The following LYRM2 variants were observed in gnomAD, a reference collection of about 807,000 sequenced individuals.
LYRM2 encodes LYR motif containing 2.
LYRM2 carries 8 observed loss-of-function variants against 11.6 expected under a neutral mutation model. The ratio of observed to expected loss-of-function variants is 0.69; its 90% CI spans 0.40 to 1.24. The LOEUF (loss-of-function observed/expected upper bound fraction) is 1.24. LYRM2 is among the 50% of genes most tolerant of loss of function. LYRM2 has a pLI of 0.01. For synonymous variants in LYRM2, 30 were observed against 36.4 expected (o/e 0.83, Z 0.63); for missense variants, 117 against 102.9 (o/e 1.14, Z -0.59).
chr6:89,635,220 A>G lies in LYRM2; in HGVS notation c.*2053T>C, dbSNP rs1807964512. 1 of 152,228 alleles carries G rather than the reference A, an allele frequency of 6.6e-6. No homozygotes were observed. The highest frequency in any genetic ancestry group is 2.4e-5 in the African/African-American group (1 of 41,462). The allele number at this position is 152,228 out of a possible 1,614,324, so 9.4% of individuals were successfully genotyped here. On this transcript the variant is annotated 3_prime_UTR_variant, in exon 3 of 3. Coordinates refer to ENST00000523377, the MANE Select transcript of LYRM2 (RefSeq NM_020466.5). ...CTACACCCATAAAAGGATGATTTTG[A>G]GTTTCAAGATTTTAGATTTACTAGA...
In LYRM2 at chr6:89,632,538, T is replaced by A. The variant is rs1807611364; in HGVS notation, c.*4735A>T. 2 of 152,166 alleles carry A rather than the reference T, an allele frequency of 1.3e-5. No individual in the cohort carries two copies. The highest frequency in any genetic ancestry group is 4.8e-5 in the African/African-American group (2 of 41,412). The allele number at this position is 152,166 out of a possible 1,614,324, so 9.4% of individuals were successfully genotyped here. ...GGCTCGTGATCCTCCTGCCTCAACC[T>A]CGCAAGTAGCTTGGGACTACAGGCG... On this transcript the variant is annotated 3_prime_UTR_variant, in exon 3 of 3. Transcript: ENST00000523377.
At chr6:89,638,516 C>A in intron 1 of LYRM2, 156 bp downstream of exon 1, 2 of 1,541,606 alleles carry the variant, frequency 1.3e-6, no homozygotes, top group Non-Finnish European at 8.8e-7. Flanking sequence ...TCAGGCCCCG[C>A]GGAGCGAAGC....
rs1807991779 is a variant in LYRM2, at chr6:89,635,916, A to C, written c.*1357T>G. The C allele has an allele frequency of 6.5e-6, 1 of 154,820 alleles. No homozygotes were observed. Among genetic ancestry groups the C allele is most frequent in the South Asian group, 2.0e-4 (1 of 5,036 alleles). 9.6% of individuals were successfully genotyped at this position (154,820 alleles called of 1,614,324 possible). A position where few individuals can be genotyped will look rare whatever the true frequency, so the allele number is the denominator to read the frequency against. ...AGAAGTCTTCCCTCTTCTTTCTGGT[A>C]AGTGCTTCAATGTGCTCATTAAGCT... On this transcript the variant is annotated 3_prime_UTR_variant, in exon 3 of 3. Coordinates refer to ENST00000523377, the MANE Select transcript of LYRM2 (RefSeq NM_020466.5).
Position 89,637,896 on chromosome 6 carries a change from G to A in LYRM2, c.46-14C>T. The A allele has an allele frequency of 6.2e-7, 1 of 1,610,532 alleles. No homozygotes were observed. The highest frequency in any genetic ancestry group is 1.7e-5 in the Admixed American group (1 of 59,784). On this transcript the variant is annotated splice_polypyrimidine_tract_variant and intron_variant, in intron 1 of 2. Transcript: ENST00000523377. Reference sequence around the variant, plus strand: ...CCTTCTTACGAACTGTAAAAGGGAGGAGTAAATAGCAATTACTACTGCACA... The same window carrying A: ...CCTTCTTACGAACTGTAAAAGGGAGAAGTAAATAGCAATTACTACTGCACA...
chr6:89,635,892 G>A lies in LYRM2; in HGVS notation c.*1381C>T, dbSNP rs1406194653. On this transcript the variant is annotated 3_prime_UTR_variant, in exon 3 of 3. Coordinates refer to ENST00000523377, the MANE Select transcript of LYRM2 (RefSeq NM_020466.5). ...AAGGTACTCACAGAGGTTTCATCCA[G>A]AAGTCTTCCCTCTTCTTTCTGGTAA... The A allele has an allele frequency of 6.5e-6, 1 of 153,288 alleles. No homozygotes were observed. The highest frequency in any genetic ancestry group is 1.5e-5 in the Non-Finnish European group (1 of 68,194). 9.5% of individuals were successfully genotyped at this position (153,288 alleles called of 1,614,324 possible).
rs928513720 is a variant in LYRM2, at chr6:89,633,846, C to G, written c.*3427G>C. The G allele has an allele frequency of 6.6e-6, 1 of 152,178 alleles. No individual in the cohort carries two copies. The highest frequency in any genetic ancestry group is 2.4e-5 in the African/African-American group (1 of 41,452). The allele number at this position is 152,178 out of a possible 1,614,324, so 9.4% of individuals were successfully genotyped here. A position where few individuals can be genotyped will look rare whatever the true frequency, so the allele number is the denominator to read the frequency against. ...ATGCAAGTGTGAATACTTTGTTTAG[C>G]TTACATTTTAATTTATTGTGGTTGA... On this transcript the variant is annotated 3_prime_UTR_variant, in exon 3 of 3. Transcript: ENST00000523377.
chr6:89,633,590 A>G lies in LYRM2; in HGVS notation c.*3683T>C, dbSNP rs1257384854. The G allele has an allele frequency of 5.3e-5, 8 of 152,222 alleles. No homozygotes were observed. 9.4% of individuals were successfully genotyped at this position (152,222 alleles called of 1,614,324 possible). A position where few individuals can be genotyped will look rare whatever the true frequency, so the allele number is the denominator to read the frequency against. ...GTTTTTTTAAAGAAATTGTTAGTGCATTATTGAGTATACTAAATATCTGTG... is the reference window on the plus strand; with the variant it reads ...GTTTTTTTAAAGAAATTGTTAGTGCGTTATTGAGTATACTAAATATCTGTG... On this transcript the variant is annotated 3_prime_UTR_variant, in exon 3 of 3. Transcript: ENST00000523377.
In LYRM2 at chr6:89,632,444, G is replaced by C. The variant is rs1807593764; in HGVS notation, c.*4829C>G. 1 of 152,000 alleles carries C rather than the reference G, an allele frequency of 6.6e-6. No individual in the cohort carries two copies. The highest frequency in any genetic ancestry group is 2.4e-5 in the African/African-American group (1 of 41,348). The allele number at this position is 152,000 out of a possible 1,614,324, so 9.4% of individuals were successfully genotyped here. ...GATGTTTTTTATTTTGTTGAGACAG[G>C]GTCTTGCTCTGTCACCCAGACTGGA... On this transcript the variant is annotated 3_prime_UTR_variant, in exon 3 of 3. Transcript: ENST00000523377.
At position 89,632,728 on chromosome 6, in the gene LYRM2, AAT is replaced by A. The variant is rs1261349829; in HGVS notation, c.*4543_*4544del. The A allele has an allele frequency of 6.6e-6, 1 of 152,192 alleles. No homozygotes were observed. The highest frequency in any genetic ancestry group is 1.5e-5 in the Non-Finnish European group (1 of 68,040). 9.4% of individuals were successfully genotyped at this position (152,192 alleles called of 1,614,324 possible). Reference sequence around the variant, plus strand: ...TTCCCCCAGAGACTCATTAGATTGCAATATAGAGGCACTTTCTCATTTCCCTA... The same window carrying A: ...TTCCCCCAGAGACTCATTAGATTGCAATAGAGGCACTTTCTCATTTCCCTA... On this transcript the variant is annotated 3_prime_UTR_variant, in exon 3 of 3. Transcript: ENST00000523377.
chr6:89,632,832 AC>A lies in LYRM2; in HGVS notation c.*4440del, dbSNP rs956151560. On this transcript the variant is annotated 3_prime_UTR_variant, in exon 3 of 3. Transcript: ENST00000523377. ...TCTATTCTCAAACAGGATATCACTA[AC>A]CTCTTTAGAATCATTCCTCAGTATA... 3 of 152,154 alleles carry A rather than the reference AC, an allele frequency of 2.0e-5. No homozygotes were observed. The highest frequency in any genetic ancestry group is 2.0e-4 in the Admixed American group (3 of 15,270). The allele number at this position is 152,154 out of a possible 1,614,324, so 9.4% of individuals were successfully genotyped here. A position where few individuals can be genotyped will look rare whatever the true frequency, so the allele number is the denominator to read the frequency against.
rs1263886949 is a variant in LYRM2 at position 89,634,154 on chromosome 6, T to C, written c.*3119A>G. 6.6e-6 allele frequency: 1 copy of C among 152,264 alleles called. No individual in the cohort carries two copies. The highest frequency in any genetic ancestry group is 1.5e-5 in the Non-Finnish European group (1 of 68,050). The allele number at this position is 152,264 out of a possible 1,614,324, so 9.4% of individuals were successfully genotyped here. A position where few individuals can be genotyped will look rare whatever the true frequency, so the allele number is the denominator to read the frequency against. On this transcript the variant is annotated 3_prime_UTR_variant, in exon 3 of 3. Transcript: ENST00000523377. ...GCAACATTATACTTTTTGACTAAGTTATTAAAAGTTAAATGCATTTCTTCT... is the reference window on the plus strand; with the variant it reads ...GCAACATTATACTTTTTGACTAAGTCATTAAAAGTTAAATGCATTTCTTCT...
Position 89,637,874 on chromosome 6 carries a change from T to A in LYRM2, c.54A>T (p.Arg18Ser). Residue 18 changes from arginine (R) to serine (S), a missense_variant, in exon 2 of 3, where the codon AGA becomes AGT. By Grantham distance (110) the Arg-to-Ser change is moderately radical. Transcript: ENST00000523377. ...TGTAGAGGAGAAGAACTTGTTGCCT[T>A]CTTACGAACTGTAAAAGGGAGGAGT... is the stretch of plus-strand genomic sequence containing the variant. Reference protein sequence around the residue: ...PATLTLKQFVRRQQVLLLYRR... With the variant: ...PATLTLKQFVSRQQVLLLYRR... The A allele has an allele frequency of 1.2e-6, 2 of 1,613,596 alleles. No individual in the cohort carries two copies. Among genetic ancestry groups the A allele is most frequent in the Non-Finnish European group, 1.7e-6 (2 of 1,179,684 alleles).
At chr6:89,638,472 C>T in intron 1 of LYRM2, 200 bp downstream of exon 1, 1 of 1,489,242 alleles carries the variant, frequency 6.7e-7, no homozygotes, top group East Asian at 2.4e-5. Flanking sequence ...CTCACGCGAT[C>T]GCACCAAACC....
intron 1 of LYRM2, 192 bp downstream of exon 1, chr6:89,638,480 A>T: frequency 6.6e-7 from 1 of 1,505,548 alleles, no homozygotes; most frequent in South Asian, 1.3e-5. Context: ...ATCGCACCAA[A>T]CCAAGGAAGC....
intron 2 of LYRM2, 129 bp from the exon 3 acceptor site, chr6:89,637,482 G>A: frequency 1.5e-6 from 1 of 671,196 alleles, no homozygotes; most frequent in East Asian, 2.8e-5. Flanking sequence ...AAAGCTAAAA[G>A]AGTTCCACAT....
At chr6:89,637,547 G>A (rs1199899644) in intron 2 of LYRM2, among the ~76,000 whole-genome samples, 194 bp from the exon 3 acceptor site, 1 of 152,020 alleles carries the variant, frequency 6.6e-6, no homozygotes, top group Non-Finnish European at 1.5e-5. Context: ...GAAGAGTGTA[G>A]ATACTCTTTT....
At position 89,637,759 on chromosome 6, in the gene LYRM2, T is replaced by C. The variant is rs534210657; in HGVS notation, c.169A>G (p.Lys57Glu). ...DWAREEFRRN[K>E]SATEEDTIRM... Reference sequence around the variant, plus strand: ...GTTCTCACCTCTTCGGTGGCACTTTTGTTTCTTCTGAATTCTTCTCTTGCC... The same window carrying C: ...GTTCTCACCTCTTCGGTGGCACTTTCGTTTCTTCTGAATTCTTCTCTTGCC... Residue 57 changes from lysine to glutamate, a missense_variant, in exon 2 of 3, where the codon AAA (lysine) becomes GAA (glutamate). Coordinates refer to ENST00000523377, the MANE Select transcript of LYRM2 (RefSeq NM_020466.5). The C allele has an allele frequency of 1.9e-6, 3 of 1,614,092 alleles. No individual in the cohort carries two copies. Among genetic ancestry groups the C allele is most frequent in the South Asian group, 1.1e-5 (1 of 91,076 alleles).
At position 89,635,687 on chromosome 6, in the gene LYRM2, A is replaced by T. The variant is rs1216789135; in HGVS notation, c.*1586T>A. ...ATGGATGATTCCAACATCTTCCACA[A>T]GCTTTCACTTTCACTAAATTATTTT... is the stretch of plus-strand genomic sequence containing the variant. On this transcript the variant is annotated 3_prime_UTR_variant, in exon 3 of 3. Transcript: ENST00000523377. 5 of 152,270 alleles carry T rather than the reference A, an allele frequency of 3.3e-5. No individual in the cohort carries two copies. Among genetic ancestry groups the T allele is most frequent in the Admixed American group, 6.5e-5 (1 of 15,292 alleles). 9.4% of individuals were successfully genotyped at this position (152,270 alleles called of 1,614,324 possible).
Position 89,636,703 on chromosome 6 carries a change from A to T in LYRM2, c.*570T>A. 1 of 139,364 alleles carries T rather than the reference A, an allele frequency of 7.2e-6. No homozygotes were observed. The allele number at this position is 139,364 out of a possible 1,614,324, so 8.6% of individuals were successfully genotyped here. A position where few individuals can be genotyped will look rare whatever the true frequency, so the allele number is the denominator to read the frequency against. ...TTGTTTTTTTTTTTTTTTTTTAGAG[A>T]CTGTCTCACTCTGTCACCCAGGCTG... On this transcript the variant is annotated 3_prime_UTR_variant, in exon 3 of 3. Coordinates refer to ENST00000523377, the MANE Select transcript of LYRM2 (RefSeq NM_020466.5).
Sources: gnomAD v4.1 joint callset for allele counts (sites outside exome capture counted in the v4.1 genomes callset) on GRCh38, gnomAD v4.1.1 for gene constraint, MANE v1.5 for transcripts, NCBI Gene and HGNC (gene_info 2026-07-23, HGNC 2026-07-21) for gene names.